ELF2: variants seen among roughly 807,000 people sequenced by gnomAD.
ELF2 encodes ETS-related transcription factor Elf-2.
ELF2 carries 11 observed loss-of-function variants against 54.8 expected under a neutral mutation model. The observed-to-expected ratio is 0.20, with a 90% CI of 0.13 to 0.33. The LOEUF (loss-of-function observed/expected upper bound fraction) is 0.33, where lower values mean the gene tolerates loss of function less well. Ranked by LOEUF, ELF2 falls within the 10% of genes least tolerant of loss-of-function variation. The probability of loss-of-function intolerance (pLI) is 1.00; values close to 1 mark genes in which losing one functional copy is unlikely to be tolerated. For synonymous variants in ELF2, 203 were observed against 245.1 expected, an observed-to-expected ratio of 0.83 and a Z score of 1.61; for missense variants, 513 against 703.0, an observed-to-expected ratio of 0.73 and a Z score of 3.06.
In ELF2 at chr4:139,170,655, T is replaced by C. The variant is rs539081642; in HGVS notation, c.-252+6312A>G. 7.7e-3 allele frequency among the ~76,000 whole-genome samples: 986 copies of C among 128,302 alleles called. 15 individuals are homozygous for C. The highest frequency in any genetic ancestry group is 0.032 in the African/African-American group (954 of 29,862). 84.2% of individuals were successfully genotyped at this position (128,302 alleles called of 152,430 possible). A position where few individuals can be genotyped will look rare whatever the true frequency, so the allele number is the denominator to read the frequency against. On this transcript the variant is annotated intron_variant, in intron 1 of 9. Transcript: ENST00000686138. ...CTAAAAAACTTACATCCAGAATATATTTCTAAAAAAAAAAACTTCTTATAA... is the reference window on the plus strand; with the variant it reads ...CTAAAAAACTTACATCCAGAATATACTTCTAAAAAAAAAAACTTCTTATAA...
At chr4:139,139,642 A>G (rs576230338) in intron 1 of ELF2, 145 bp from the exon 2 acceptor site, 39 of 350,542 alleles carry the variant, frequency 1.1e-4, no homozygotes, top group Non-Finnish European at 1.7e-4. Context: ...TAAGGAATAT[A>G]ATAAATTATT....
At chr4:139,142,895 G>T (rs1325311823) in intron 1 of ELF2, among the ~76,000 whole-genome samples, 1 of 151,948 alleles carries the variant, frequency 6.6e-6, no homozygotes, top group Non-Finnish European at 1.5e-5. Flanking sequence ...TCAATCTTTA[G>T]ATGTATTTTG....
intron 3 of ELF2, among the ~76,000 whole-genome samples, chr4:139,131,594 G>A: frequency 6.6e-6 from 1 of 152,094 alleles, no homozygotes; most frequent in South Asian, 2.1e-4. Flanking sequence ...TCTCTTTCGA[G>A]GTAGAGTAAG....
At chr4:139,070,784 A>G (rs1729400597) in intron 6 of ELF2, among the ~76,000 whole-genome samples, 1 of 152,194 alleles carries the variant, frequency 6.6e-6, no homozygotes, top group Non-Finnish European at 1.5e-5. Context: ...CATATAATCT[A>G]CATGTATTAC....
chr4:139,104,180 T>C (rs1342408216), intron 4 of ELF2, among the ~76,000 whole-genome samples: 1 of 152,152 alleles, frequency 6.6e-6, no homozygotes, highest in Non-Finnish European at 1.5e-5. Flanking sequence ...GCTATAAAGC[T>C]ACATTTGTCT....
chr4:139,115,535 G>A (rs1306717815), intron 4 of ELF2, among the ~76,000 whole-genome samples: 2 of 151,424 alleles, frequency 1.3e-5, no homozygotes, highest in Non-Finnish European at 2.9e-5. Flanking sequence ...GCCTGGCCGC[G>A]CCCCCTGACA....
chr4:139,062,143 A>G, intron 7 of ELF2, 86 bp from the exon 8 acceptor site: 1 of 1,295,944 alleles, frequency 7.7e-7, no homozygotes. Context: ...CCTTCATTGT[A>G]TCATAAAAAT....
intron 1 of ELF2, among the ~76,000 whole-genome samples, chr4:139,157,911 C>T (rs1345818496): frequency 6.6e-6 from 1 of 152,166 alleles, no homozygotes; most frequent in Non-Finnish European, 1.5e-5. Flanking sequence ...CAATGGATAA[C>T]GCGTCTGACT....
In ELF2 at chr4:139,148,316, A is replaced by ATTTTTTTT. The variant is rs772079635; in HGVS notation, c.-251-8827_-251-8820dup. Reference sequence around the variant, plus strand: ...AGACAGGTGAAGTCATACCTGGCTAATTTTTTTTTTTTTTTTTTTTTTTTT... The same window carrying ATTTTTTTT: ...AGACAGGTGAAGTCATACCTGGCTAATTTTTTTTTTTTTTTTTTTTTTTTTTTTTTTTT... On this transcript the variant is annotated intron_variant, in intron 1 of 9. Transcript: ENST00000686138. Among the ~76,000 whole-genome samples, 52 of 64,536 alleles carry ATTTTTTTT rather than the reference A, an allele frequency of 8.1e-4. 2 individuals are homozygous for ATTTTTTTT. The highest frequency in any genetic ancestry group is 9.3e-4 in the Non-Finnish European group (33 of 35,612). 42.3% of individuals were successfully genotyped at this position (64,536 alleles called of 152,430 possible). A position where few individuals can be genotyped will look rare whatever the true frequency, so the allele number is the denominator to read the frequency against.
chr4:139,071,109 A>G (rs1413757490), intron 6 of ELF2, among the ~76,000 whole-genome samples: 1 of 152,174 alleles, frequency 6.6e-6, no homozygotes, highest in African/African-American at 2.4e-5. Flanking sequence ...CAGAAATTTC[A>G]GCAGAAGTCA....
intron 4 of ELF2, chr4:139,114,798 G>T (rs988947692): frequency 6.7e-7 from 1 of 1,500,968 alleles, no homozygotes; most frequent in Non-Finnish European, 9.1e-7. Flanking sequence ...AGAGACCCCT[G>T]GGCCAGGGGC....
chr4:139,114,806 G>A (rs1044596415), intron 4 of ELF2: 9 of 1,529,614 alleles, frequency 5.9e-6, no homozygotes, highest in East Asian at 2.3e-5. Context: ...CTGGGCCAGG[G>A]GCACGAGGAG....
At chr4:139,151,651 TA>T (rs1245533106) in intron 1 of ELF2, among the ~76,000 whole-genome samples, 1 of 152,216 alleles carries the variant, frequency 6.6e-6, no homozygotes, top group Non-Finnish European at 1.5e-5. Context: ...ATCAAGGATT[TA>T]AAAGTACCTA....
At chr4:139,114,642 C>CCTT (rs1308542032) in intron 4 of ELF2, among the ~76,000 whole-genome samples, 2 of 104,854 alleles carry the variant, frequency 1.9e-5, no homozygotes, top group Admixed American at 1.2e-4. Flanking sequence ...TTTTTTCTTT[C>CCTT]TTTTTTTTTT....
At chr4:139,133,507 T>C (rs1224536114) in intron 3 of ELF2, among the ~76,000 whole-genome samples, 1 of 152,252 alleles carries the variant, frequency 6.6e-6, no homozygotes, top group Non-Finnish European at 1.5e-5. Flanking sequence ...AACTCTGTTC[T>C]TAACCACAGT....
At chr4:139,169,426 CA>C (rs1378254352) in intron 1 of ELF2, among the ~76,000 whole-genome samples, 1 of 151,464 alleles carries the variant, frequency 6.6e-6, no homozygotes, top group South Asian at 2.1e-4. Flanking sequence ...CAACCTTACA[CA>C]AAAAAATACT....
At chr4:139,085,464 GA>G (rs926215119) in intron 4 of ELF2, among the ~76,000 whole-genome samples, 13 of 152,106 alleles carry the variant, frequency 8.5e-5, no homozygotes, top group African/African-American at 2.7e-4. Flanking sequence ...ACTGTGTAGA[GA>G]AAAAAATGTT....
At chr4:139,174,759 A>T (rs568284808) in intron 1 of ELF2, among the ~76,000 whole-genome samples, 2 of 152,214 alleles carry the variant, frequency 1.3e-5, no homozygotes, top group Admixed American at 6.5e-5. Flanking sequence ...GAATATGCAG[A>T]GTTTATATGC....
intron 1 of ELF2, among the ~76,000 whole-genome samples, chr4:139,161,652 T>A (rs796669919): frequency 0.012 from 806 of 69,860 alleles, 11 homozygotes; most frequent in African/African-American, 0.037. Flanking sequence ...TAAAACTGTT[T>A]AAAAAAAAAA....
Sources: gnomAD v4.1 joint callset for allele counts (sites outside exome capture counted in the v4.1 genomes callset) on GRCh38, gnomAD v4.1.1 for gene constraint, MANE v1.5 for transcripts, NCBI Gene and HGNC (gene_info 2026-07-23, HGNC 2026-07-21) for gene names.